The following ST13 variants were observed in gnomAD, a reference collection of about 807,000 sequenced individuals.
ST13 encodes the protein ST13 Hsp70 interacting protein, also known as hsc70-interacting protein.
In ST13, 23 loss-of-function variants were observed where a neutral mutation model predicts 56.7. That is an observed-to-expected ratio of 0.41 (90% CI 0.29 to 0.57). ST13 has a LOEUF of 0.57. ST13 is among the 20% of genes least tolerant of loss of function. The probability of loss-of-function intolerance (pLI) is 0.36; values close to 1 mark genes in which losing one functional copy is unlikely to be tolerated. For missense variants in ST13, 369 were observed against 459.9 expected (o/e 0.80, Z 1.81); for synonymous variants, 132 against 142.4 (o/e 0.93, Z 0.52).
intron 3 of ST13, among the ~76,000 whole-genome samples, chr22:40,847,562 A>G (rs2057838671): frequency 1.3e-5 from 2 of 151,122 alleles, no homozygotes; most frequent in African/African-American, 4.9e-5. Context: ...AAAAGAAAAA[A>G]AAAAAAAAAA....
intron 1 of ST13, among the ~76,000 whole-genome samples, chr22:40,855,704 A>C (rs186401059): frequency 6.6e-6 from 1 of 152,318 alleles, no homozygotes; most frequent in East Asian, 1.9e-4. Context: ...ATTCGTCTAA[A>C]TAGACAGTAC....
At chr22:40,855,220 C>T (rs1009303130) in intron 1 of ST13, among the ~76,000 whole-genome samples, 1 of 152,146 alleles carries the variant, frequency 6.6e-6, no homozygotes, top group Non-Finnish European at 1.5e-5. Context: ...CTTTGGGAGG[C>T]GGGGGAGTCC....
chr22:40,837,028 C>A (rs2057780769), intron 5 of ST13, among the ~76,000 whole-genome samples: 1 of 152,226 alleles, frequency 6.6e-6, no homozygotes, highest in Non-Finnish European at 1.5e-5. Flanking sequence ...GTCACCTAGG[C>A]TGCTCTCGAA....
intron 1 of ST13, among the ~76,000 whole-genome samples, chr22:40,853,313 C>T (rs575172696): frequency 1.1e-4 from 16 of 152,002 alleles, no homozygotes; most frequent in African/African-American, 2.7e-4. Flanking sequence ...TGTACCATAC[C>T]TGCAATTTTT....
At chr22:40,843,686 A>C (rs761988395) in intron 4 of ST13, among the ~76,000 whole-genome samples, 23 of 152,210 alleles carry the variant, frequency 1.5e-4, no homozygotes, top group Non-Finnish European at 3.1e-4. Context: ...ATGAGTGAAG[A>C]TGAGTCACAA....
At chr22:40,854,159 T>C (rs1368681069) in intron 1 of ST13, among the ~76,000 whole-genome samples, 1 of 152,212 alleles carries the variant, frequency 6.6e-6, no homozygotes, top group Non-Finnish European at 1.5e-5. Flanking sequence ...ACCCTAACAG[T>C]AGCATCAGGC....
rs1483946908 is a variant in ST13 at position 40,848,359 on chromosome 22, G to T, written c.179C>A (p.Pro60His). 1.9e-6 allele frequency: 3 copies of T among 1,611,432 alleles called. No homozygotes were observed. The part of the protein sequence containing the change: ...KSEENTKEEK[P>H]DSKKVEEDLK... ...GTCTTCCTCCACCTTCTTACTATCAGGTTTTTCTTCCTAGCAAAGGGAAGA... is the reference window on the plus strand; with the variant it reads ...GTCTTCCTCCACCTTCTTACTATCATGTTTTTCTTCCTAGCAAAGGGAAGA... The change falls in exon 3 of 12, where the codon CCT (proline) becomes CAT (histidine). Residue 60 changes from proline to histidine, a missense_variant. Pro to His is a moderately conservative substitution (Grantham distance 77). Around this residue, in one of 3 missense-constraint regions of ST13, gnomAD observed 169 missense variants for 175.6 expected, o/e 0.96. Coordinates refer to ENST00000216218, the MANE Select transcript of ST13 (RefSeq NM_003932.5).
chr22:40,847,660 A>G (rs1356613589), intron 3 of ST13, among the ~76,000 whole-genome samples: 1 of 152,160 alleles, frequency 6.6e-6, no homozygotes, highest in East Asian at 1.9e-4. Context: ...ATTTATTATC[A>G]ATGAAAATGT....
At chr22:40,842,838 C>A (rs1431828016) in intron 4 of ST13, among the ~76,000 whole-genome samples, 19 of 152,344 alleles carry the variant, frequency 1.2e-4, no homozygotes, top group Admixed American at 3.3e-4. Flanking sequence ...AAAGTACTTA[C>A]ATTTGTTCTT....
In ST13 at chr22:40,829,628, G is replaced by A. The variant is rs865968842; in HGVS notation, c.845C>T (p.Pro282Leu). The A allele has an allele frequency of 6.9e-7, 1 of 1,451,118 alleles. No individual in the cohort carries two copies. Among genetic ancestry groups the A allele is most frequent in the Non-Finnish European group, 9.2e-7 (1 of 1,082,246 alleles). The allele number at this position is 1,451,118 out of a possible 1,614,324, so 89.9% of individuals were successfully genotyped here. The change falls in exon 10 of 12, where the codon CCA becomes CTA. Residue 282 changes from proline (P) to leucine (L), a missense_variant and splice_region_variant. This residue lies in a region of ST13 where 136 missense variants were observed against 159.2 expected (regional missense o/e 0.85). Transcript: ENST00000216218. Reference sequence around the variant, plus strand: ...TTTTAACTTTTCTTTAAATATACCTGGAAAAGAGCCATACTGAGCTCCTGA... The same window carrying A: ...TTTTAACTTTTCTTTAAATATACCTAGAAAAGAGCCATACTGAGCTCCTGA... ...RQSGAQYGSF[P>L]GGFPGGMPGN... is the part of the protein sequence containing the mutation.
In ST13 at chr22:40,826,217, A is replaced by C. The variant is rs2057727404; in HGVS notation, c.*321T>G. On this transcript the variant is annotated 3_prime_UTR_variant, in exon 12 of 12. Coordinates refer to ENST00000216218, the MANE Select transcript of ST13 (RefSeq NM_003932.5). ...TATATTCCCTGCCAATAATTCAAAG[A>C]AAAAAATCCAAAATGATTAGTAAAG... 5.6e-6 allele frequency: 1 copy of C among 178,860 alleles called. No individual in the cohort carries two copies. The highest frequency in any genetic ancestry group is 5.8e-5 in the Admixed American group (1 of 17,310). The allele number at this position is 178,860 out of a possible 1,614,324, so 11.1% of individuals were successfully genotyped here.
chr22:40,848,190 CATT>C, intron 3 of ST13, 101 bp downstream of exon 3: 1 of 734,758 alleles, frequency 1.4e-6, no homozygotes, highest in Non-Finnish European at 2.4e-6. Context: ...TCATATGTGC[CATT>C]ATATTTCTAT....
chr22:40,849,884 G>A (rs1290571190), intron 2 of ST13, among the ~76,000 whole-genome samples: 7 of 140,280 alleles, frequency 5.0e-5, no homozygotes, highest in African/African-American at 8.1e-5. Context: ...TTTTCTTGTC[G>A]ATTTAAGACA....
At position 40,839,259 on chromosome 22, in the gene ST13, C is replaced by T. The variant is rs77223903; in HGVS notation, c.382+1367G>A. On this transcript the variant is annotated intron_variant, in intron 5 of 11. Coordinates refer to ENST00000216218, the MANE Select transcript of ST13 (RefSeq NM_003932.5). The stretch of plus-strand genomic sequence containing the variant: ...TATATACTAACTCGGAACATCAATA[C>T]TGAACTCATTCTAAAAATAACTTCA... Among the ~76,000 whole-genome samples, 1,286 of 152,270 alleles carry T rather than the reference C, an allele frequency of 8.4e-3. 18 individuals are homozygous for T. Among genetic ancestry groups the T allele is most frequent in the African/African-American group, 0.03 (1,247 of 41,552 alleles).
chr22:40,831,105 G>T, intron 8 of ST13, 149 bp from the exon 9 acceptor site: 1 of 601,692 alleles, frequency 1.7e-6, no homozygotes, highest in Non-Finnish European at 2.9e-6. Context: ...CACAAGCTAA[G>T]CCTTTAAGAA....
intron 7 of ST13, among the ~76,000 whole-genome samples, chr22:40,834,103 C>T (rs1045492728): frequency 6.4e-4 from 97 of 152,010 alleles, no homozygotes; most frequent in African/African-American, 2.3e-3. Flanking sequence ...AGGCGAAACC[C>T]CCTCTCTACC....
At chr22:40,845,966 C>T (rs539877216) in intron 3 of ST13, among the ~76,000 whole-genome samples, 4 of 152,200 alleles carry the variant, frequency 2.6e-5, no homozygotes, top group East Asian at 3.9e-4. Context: ...GACGGAGTTT[C>T]GCTTTTGTTG....
intron 5 of ST13, among the ~76,000 whole-genome samples, chr22:40,837,247 C>T (rs1018225164): frequency 6.6e-6 from 1 of 152,242 alleles, no homozygotes; most frequent in Non-Finnish European, 1.5e-5. Context: ...CTACAGGTAT[C>T]TATTATAGGT....
At chr22:40,834,485 T>C (rs1301695483) in intron 7 of ST13, among the ~76,000 whole-genome samples, 1 of 152,182 alleles carries the variant, frequency 6.6e-6, no homozygotes, top group Non-Finnish European at 1.5e-5. Context: ...ACAAAACATT[T>C]AATGTTACAT....
Sources: allele counts gnomAD v4.1 joint callset (sites outside exome capture counted in the v4.1 genomes callset), GRCh38; gene constraint gnomAD v4.1.1; regional missense constraint gnomAD v4.1.1; transcripts MANE v1.5; gene names NCBI Gene and HGNC (gene_info 2026-07-23, HGNC 2026-07-21).